The following TENM2 variants were observed in gnomAD, a reference collection of about 807,000 sequenced individuals.
TENM2 encodes the protein teneurin-2.
TENM2 carries 52 observed loss-of-function variants against 245.2 expected under a neutral mutation model. The ratio of observed to expected loss-of-function variants is 0.21; its 90% CI spans 0.17 to 0.27. The LOEUF is 0.27. Among genes scored for constraint, TENM2 ranks in the 10% least tolerant of loss-of-function variants. The pLI, the probability that TENM2 is intolerant of heterozygous loss-of-function variation, is 1.00. For synonymous variants in TENM2, 1,363 were observed against 1,438.9 expected (o/e 0.95, Z 1.19); for missense variants, 3,046 against 3,666.8 (o/e 0.83, Z 4.37).
intron 1 of TENM2, among the ~76,000 whole-genome samples, chr5:167,313,503 G>A (rs2127758389): frequency 1.3e-5 from 2 of 152,240 alleles, no homozygotes; most frequent in South Asian, 4.1e-4. Context: ...TGGGTGTGGT[G>A]GTGTGTGCCT....
intron 2 of TENM2, among the ~76,000 whole-genome samples, chr5:167,841,836 C>T (rs1397317012): frequency 6.6e-6 from 1 of 151,972 alleles, no homozygotes; most frequent in East Asian, 1.9e-4. Flanking sequence ...GTTCCTTTAC[C>T]TGCACTTCTG....
chr5:167,937,163 C>A lies in TENM2; in HGVS notation c.713-15425C>A, dbSNP rs531483307. On this transcript the variant is annotated intron_variant, in intron 3 of 28. Coordinates refer to ENST00000518659, the Ensembl canonical transcript of TENM2. ...TAAAATCTACTCGCTCAGCAATTTT[C>A]AACAATACAATACTTTGTTATTAAC... Among the ~76,000 whole-genome samples the A allele has an allele frequency of 4.6e-5, 7 of 152,324 alleles. No homozygotes were observed. In the South Asian group the frequency reaches 1.5e-3, roughly 32 times the overall value.
intron 2 of TENM2, among the ~76,000 whole-genome samples, chr5:167,437,097 G>A (rs912196906): frequency 6.6e-6 from 1 of 152,110 alleles, no homozygotes; most frequent in African/African-American, 2.4e-5. Context: ...TAGATCCACC[G>A]ACAGCTTGTA....
chr5:167,791,938 A>G (rs896910584), intron 2 of TENM2, among the ~76,000 whole-genome samples: 3 of 152,082 alleles, frequency 2.0e-5, no homozygotes, highest in Non-Finnish European at 4.4e-5. Context: ...TCCATACTCC[A>G]TCCACTCTCT....
At chr5:167,613,676 C>T (rs1321091121) in intron 2 of TENM2, among the ~76,000 whole-genome samples, 2 of 152,042 alleles carry the variant, frequency 1.3e-5, no homozygotes, top group South Asian at 2.1e-4. Context: ...AGTTTATGCT[C>T]GACCAGGACA....
chr5:167,469,749 T>G (rs1464632027), intron 2 of TENM2, among the ~76,000 whole-genome samples: 1 of 151,934 alleles, frequency 6.6e-6, no homozygotes, highest in Non-Finnish European at 1.5e-5. Flanking sequence ...TTCAGAAAAA[T>G]AAGACATGAG....
chr5:166,979,138 C>A, the TENM2 span, among the ~76,000 whole-genome samples: 39 of 151,740 alleles, frequency 2.6e-4, 2 homozygotes, highest in South Asian at 8.1e-3. Context: ...AGGCTCAGGT[C>A]GTGCTTGGGC....
chr5:168,111,763 G>A (rs1794687005), intron 9 of TENM2, among the ~76,000 whole-genome samples: 1 of 152,120 alleles, frequency 6.6e-6, no homozygotes, highest in Non-Finnish European at 1.5e-5. Flanking sequence ...AGCATTGGGT[G>A]TAAGCAGCCT....
rs1030227712 is a variant in TENM2 at position 167,521,430 on chromosome 5, C to T, written c.502+145957C>T. Among the ~76,000 whole-genome samples the T allele has an allele frequency of 2.0e-5, 3 of 152,120 alleles. No homozygotes were observed. In the East Asian group the frequency reaches 5.8e-4, roughly 29 times the overall value. On this transcript the variant is annotated intron_variant, in intron 2 of 28. Coordinates refer to ENST00000518659, the Ensembl canonical transcript of TENM2. ...TTGACTTTGAACAAATAGGCTCTGG[C>T]GTAGCTAGAATTAGACATGGTGAAA... is the stretch of plus-strand genomic sequence containing the variant.
At chr5:167,947,462 A>G (rs897448670) in intron 3 of TENM2, among the ~76,000 whole-genome samples, 4 of 152,324 alleles carry the variant, frequency 2.6e-5, no homozygotes, top group South Asian at 2.1e-4. Context: ...GTGTCCACAC[A>G]TCTGGTCAGT....
rs968856122 is a variant in TENM2 at position 167,970,965 on chromosome 5, C to T, written c.947+18143C>T. On this transcript the variant is annotated intron_variant, in intron 4 of 28. Transcript: ENST00000518659. ...AAGGCGCATATTCAGTATATGTCTG[C>T]GTATACTTTGTTTTTTCAGTTTCAC... Among the ~76,000 whole-genome samples, 7 of 151,864 alleles carry T rather than the reference C, an allele frequency of 4.6e-5. No homozygotes were observed. In the South Asian group the frequency reaches 6.3e-4, roughly 14 times the overall value.
chr5:167,114,745 A>G, the TENM2 span, among the ~76,000 whole-genome samples: 1 of 152,180 alleles, frequency 6.6e-6, no homozygotes, highest in Non-Finnish European at 1.5e-5. Context: ...AATGGATTCC[A>G]TAGATAATTT....
intron 14 of TENM2, among the ~76,000 whole-genome samples, chr5:168,194,297 T>C (rs552181294): frequency 6.6e-6 from 1 of 152,302 alleles, no homozygotes; most frequent in South Asian, 2.1e-4. Flanking sequence ...AGAGGAGGCA[T>C]GCACATTCTC....
intron 2 of TENM2, among the ~76,000 whole-genome samples, chr5:167,812,876 G>A (rs950043509): frequency 3.3e-5 from 5 of 152,188 alleles, no homozygotes; most frequent in Non-Finnish European, 4.4e-5. Flanking sequence ...ACCACAGTCA[G>A]GGACCCGATG....
chr5:167,001,129 C>G, the TENM2 span, among the ~76,000 whole-genome samples: 1 of 152,040 alleles, frequency 6.6e-6, no homozygotes, highest in Non-Finnish European at 1.5e-5. Context: ...AGAAATTACA[C>G]TTTTCTAACT....
At chr5:167,594,198 A>G (rs1271749919) in intron 2 of TENM2, among the ~76,000 whole-genome samples, 1 of 152,220 alleles carries the variant, frequency 6.6e-6, no homozygotes, top group Non-Finnish European at 1.5e-5. Context: ...ATTAAACTGT[A>G]TTAAGATCAT....
chr5:168,126,821 C>G lies in TENM2; in HGVS notation c.2277C>G (p.Gly759=), dbSNP rs1302811531. The G allele has an allele frequency of 2.5e-6, 4 of 1,613,202 alleles. No homozygotes were observed. In the African/African-American group the frequency reaches 5.3e-5, roughly 22 times the overall value. The change falls in exon 12 of 29, where the codon GGC becomes GGG. Residue 759 remains glycine (G), a synonymous_variant. Coordinates refer to ENST00000518659, the Ensembl canonical transcript of TENM2. Reference sequence around the variant, plus strand: ...GGGGAGCCTGCCGCTGTGAAGAGGGCTGGACAGGCGCAGCGTGTGACCAGC... The same window carrying G: ...GGGGAGCCTGCCGCTGTGAAGAGGGGTGGACAGGCGCAGCGTGTGACCAGC...
chr5:167,601,451 A>G (rs564029827), intron 2 of TENM2, among the ~76,000 whole-genome samples: 6 of 152,368 alleles, frequency 3.9e-5, no homozygotes, highest in Admixed American at 2.0e-4. Context: ...TTCCTTGCAT[A>G]TATTTTACAC....
At chr5:167,651,463 A>G (rs76818481) in intron 2 of TENM2, among the ~76,000 whole-genome samples, 2,056 of 152,000 alleles carry the variant, frequency 0.014, 50 homozygotes, top group East Asian at 0.12. Context: ...TTCCTACAAA[A>G]TGAGGATGTT....
Sources: allele counts gnomAD v4.1 joint callset (sites outside exome capture counted in the v4.1 genomes callset), GRCh38; gene constraint gnomAD v4.1.1; transcripts MANE v1.5; gene names NCBI Gene and HGNC (gene_info 2026-07-23, HGNC 2026-07-21).